NAALADL2: variants seen among roughly 807,000 people sequenced by gnomAD.
NAALADL2 encodes inactive N-acetylated-alpha-linked acidic dipeptidase-like protein 2.
NAALADL2 carries 76 observed loss-of-function variants against 87.2 expected under a neutral mutation model. That is an observed-to-expected ratio of 0.87 (90% CI 0.72 to 1.05). The LOEUF (loss-of-function observed/expected upper bound fraction) is 1.05, where lower values mean the gene tolerates loss of function less well. Ranked by LOEUF, NAALADL2 falls within the 50% of genes least tolerant of loss-of-function variation. NAALADL2 has a pLI of 0.00. For missense variants in NAALADL2, 1,089 were observed against 945.8 expected, an observed-to-expected ratio of 1.15 and a Z score of -1.99; for synonymous variants, 354 against 331.0, an observed-to-expected ratio of 1.07 and a Z score of -0.75.
chr3:174,999,103 T>C (rs745431804), intron 1 of NAALADL2, among the ~76,000 whole-genome samples: 2 of 152,162 alleles, frequency 1.3e-5, no homozygotes, highest in Non-Finnish European at 2.9e-5. Flanking sequence ...GGTTTTCCAG[T>C]ATTTAGGGGG....
chr3:174,558,633 G>T (rs1713168380), intron 2 of NAALADL2, among the ~76,000 whole-genome samples: 1 of 152,010 alleles, frequency 6.6e-6, no homozygotes, highest in African/African-American at 2.4e-5. Flanking sequence ...CTGGCAGGGG[G>T]AGAAGCTCAG....
intron 9 of NAALADL2, among the ~76,000 whole-genome samples, chr3:175,495,094 T>TATATATATATATA (rs1167550415): frequency 5.1e-4 from 68 of 133,274 alleles, no homozygotes; most frequent in South Asian, 9.8e-4. Flanking sequence ...ATATATATAT[T>TATATATATATATA]TTTTTTTAAT....
intron 5 of NAALADL2, chr3:175,397,346 C>G (rs1769936550): frequency 6.6e-6 from 1 of 152,082 alleles, no homozygotes; most frequent in Non-Finnish European, 1.5e-5. Flanking sequence ...CCAAAGCAAG[C>G]AATTCCCACC....
intron 5 of NAALADL2, among the ~76,000 whole-genome samples, chr3:175,328,931 C>T (rs1028707100): frequency 6.6e-6 from 1 of 152,108 alleles, no homozygotes; most frequent in Non-Finnish European, 1.5e-5. Context: ...AAAGAAAACC[C>T]TTTCCAAATT....
intron 1 of NAALADL2, among the ~76,000 whole-genome samples, chr3:174,901,376 G>A (rs998603852): frequency 2.0e-5 from 3 of 152,142 alleles, no homozygotes; most frequent in Middle Eastern, 3.2e-3. Context: ...ATGGAAGAAC[G>A]TGGGTAGGAG....
chr3:174,539,391 T>A (rs897251829), intron 1 of NAALADL2, among the ~76,000 whole-genome samples: 2 of 152,182 alleles, frequency 1.3e-5, no homozygotes, highest in Non-Finnish European at 2.9e-5. Flanking sequence ...AAAATTATGG[T>A]ACTATAATTC....
At chr3:174,725,143 T>C (rs9882577) in intron 2 of NAALADL2, among the ~76,000 whole-genome samples, 15,567 of 152,194 alleles carry the variant, frequency 0.1, 952 homozygotes, top group African/African-American at 0.16. Context: ...ATGTCCCTTG[T>C]AGGTACTCTT....
chr3:175,207,317 G>C (rs1461409049), intron 2 of NAALADL2, among the ~76,000 whole-genome samples: 2 of 151,824 alleles, frequency 1.3e-5, no homozygotes, highest in African/African-American at 4.8e-5. Flanking sequence ...AAATAAAATA[G>C]TGTGAATTTT....
intron 5 of NAALADL2, among the ~76,000 whole-genome samples, chr3:175,339,573 A>G (rs937646710): frequency 2.0e-5 from 3 of 152,208 alleles, no homozygotes; most frequent in Non-Finnish European, 2.9e-5. Flanking sequence ...ATGAGGACAT[A>G]CTAGTCCTGA....
chr3:175,799,682 A>T (rs1000537059), intron 13 of NAALADL2, among the ~76,000 whole-genome samples: 6 of 152,176 alleles, frequency 3.9e-5, no homozygotes, highest in African/African-American at 1.2e-4. Context: ...TTTATGAAAT[A>T]AAACTAATAT....
rs758046024 is a variant in NAALADL2, at chr3:175,094,766, G to GTGTT, written c.44-2021_44-2020insTTGT. Among the ~76,000 whole-genome samples the GTGTT allele has an allele frequency of 3.3e-3, 486 of 149,392 alleles. 5 individuals are homozygous for GTGTT. The highest frequency in any genetic ancestry group is 0.012 in the African/African-American group (458 of 39,736). Reference sequence around the variant, plus strand: ...AAGCACCAGACACTATAGTGTGTGTGTGTGTGTGTGTGTGTGTGTGTGTGA... The same window carrying GTGTT: ...AAGCACCAGACACTATAGTGTGTGTGTGTTTGTGTGTGTGTGTGTGTGTGTGTGA... On this transcript the variant is annotated intron_variant, in intron 1 of 13. Coordinates refer to ENST00000454872, the MANE Select transcript of NAALADL2 (RefSeq NM_207015.3).
chr3:175,631,013 C>T (rs886406893), intron 11 of NAALADL2, among the ~76,000 whole-genome samples: 2 of 151,074 alleles, frequency 1.3e-5, no homozygotes, highest in African/African-American at 2.4e-5. Context: ...AGCATCATAG[C>T]CCAATCACAT....
At chr3:174,766,258 T>C (rs183105751) in intron 3 of NAALADL2, among the ~76,000 whole-genome samples, 57 of 152,334 alleles carry the variant, frequency 3.7e-4, no homozygotes, top group Admixed American at 3.3e-3. Flanking sequence ...TGTACTTCCT[T>C]TGATGGGGCT....
intron 5 of NAALADL2, among the ~76,000 whole-genome samples, chr3:175,436,225 C>A (rs1333424361): frequency 1.4e-5 from 2 of 142,142 alleles, no homozygotes; most frequent in African/African-American, 5.4e-5. Flanking sequence ...GTATATGTGC[C>A]ACATTTTCTT....
intron 1 of NAALADL2, among the ~76,000 whole-genome samples, chr3:174,908,767 AAATT>A (rs1300525131): frequency 6.6e-6 from 1 of 152,118 alleles, no homozygotes; most frequent in African/African-American, 2.4e-5. Flanking sequence ...ACAAGATTAA[AAATT>A]AAGAATTAAA....
chr3:175,618,453 T>C (rs1725663387), intron 10 of NAALADL2, among the ~76,000 whole-genome samples: 3 of 152,172 alleles, frequency 2.0e-5, no homozygotes, highest in Admixed American at 2.0e-4. Context: ...CCCTATTCCC[T>C]TGGGATTGCC....
At chr3:175,681,049 G>A (rs1315212005) in intron 11 of NAALADL2, among the ~76,000 whole-genome samples, 1 of 152,128 alleles carries the variant, frequency 6.6e-6, no homozygotes, top group East Asian at 1.9e-4. Flanking sequence ...GGAGGTGGAG[G>A]TTGCCGTGAG....
At chr3:175,183,969 G>C (rs1736972036) in intron 2 of NAALADL2, among the ~76,000 whole-genome samples, 2 of 144,224 alleles carry the variant, frequency 1.4e-5, no homozygotes, top group Admixed American at 7.1e-5. Context: ...CTCAAAGTGA[G>C]ACTGTTTCCC....
chr3:175,328,084 G>C (rs1345333493), intron 5 of NAALADL2, among the ~76,000 whole-genome samples: 1 of 152,152 alleles, frequency 6.6e-6, no homozygotes, highest in Non-Finnish European at 1.5e-5. Context: ...ATACATTATT[G>C]TATTAGCTTA....
Sources: allele counts gnomAD v4.1 joint callset (sites outside exome capture counted in the v4.1 genomes callset), GRCh38; gene constraint gnomAD v4.1.1; transcripts MANE v1.5; gene names NCBI Gene and HGNC (gene_info 2026-07-23, HGNC 2026-07-21).